AKR1C8: variants seen among roughly 807,000 people sequenced by gnomAD.
AKR1C8 encodes the protein aldo-keto reductase family 1 member C8.
chr10:5,153,373 A>C, the AKR1C8 span, among the ~76,000 whole-genome samples: 1 of 152,224 alleles, frequency 6.6e-6, no homozygotes, highest in Non-Finnish European at 1.5e-5. Flanking sequence ...TTTGAATAAT[A>C]GTTGCTTGCT....
At chr10:5,180,538 G>A in the AKR1C8 span, among the ~76,000 whole-genome samples, 1 of 152,190 alleles carries the variant, frequency 6.6e-6, no homozygotes, top group African/African-American at 2.4e-5. Context: ...GTCTGCAGAG[G>A]TTACTGCTGT....
At chr10:5,128,507 A>G in the AKR1C8 span, among the ~76,000 whole-genome samples, 1 of 152,218 alleles carries the variant, frequency 6.6e-6, no homozygotes, top group East Asian at 1.9e-4. Flanking sequence ...TGGATAATAA[A>G]TCACAAACCA....
chr10:5,169,800 A>T, the AKR1C8 span, among the ~76,000 whole-genome samples: 1 of 152,092 alleles, frequency 6.6e-6, no homozygotes, highest in Non-Finnish European at 1.5e-5. Flanking sequence ...TATTTAGCTT[A>T]AAAGGAGAGG....
At chr10:5,184,446 G>C in the AKR1C8 span, among the ~76,000 whole-genome samples, 2 of 152,146 alleles carry the variant, frequency 1.3e-5, no homozygotes, top group African/African-American at 4.8e-5. Flanking sequence ...TTCTTATATA[G>C]CAAAAAGTTT....
chr10:5,154,208 G>A, the AKR1C8 span: 1 of 469,722 alleles, frequency 2.1e-6, no homozygotes, highest in South Asian at 1.6e-5. Flanking sequence ...TATTAATTTA[G>A]TAACTTTTTT....
the AKR1C8 span, chr10:5,158,568 G>A: frequency 1.2e-4 from 52 of 432,652 alleles, no homozygotes; most frequent in Non-Finnish European, 2.1e-4. Context: ...CAGAATTCCC[G>A]CCATAGGTTA....
the AKR1C8 span, chr10:5,155,785 C>T: frequency 4.3e-6 from 2 of 463,172 alleles, no homozygotes; most frequent in East Asian, 7.1e-5. Context: ...CTCACATTAA[C>T]CCCTCCCCAG....
the AKR1C8 span, among the ~76,000 whole-genome samples, chr10:5,139,171 A>G: frequency 1.3e-5 from 2 of 152,038 alleles, no homozygotes; most frequent in African/African-American, 2.4e-5. Context: ...CAATGGAAGG[A>G]CATTCCATGC....
At chr10:5,134,591 C>T in the AKR1C8 span, among the ~76,000 whole-genome samples, 32,515 of 151,922 alleles carry the variant, frequency 0.21, 3,615 homozygotes, top group Middle Eastern at 0.36. Context: ...TTTTAATTTT[C>T]CTAGAGGTGA....
the AKR1C8 span, among the ~76,000 whole-genome samples, chr10:5,177,684 A>C: frequency 6.6e-6 from 1 of 152,158 alleles, no homozygotes; most frequent in South Asian, 2.1e-4. Flanking sequence ...TCAGAGATTC[A>C]ACTTCTTCCT....
At chr10:5,175,875 T>C in the AKR1C8 span, among the ~76,000 whole-genome samples, 259 of 152,330 alleles carry the variant, frequency 1.7e-3, 1 homozygote, top group African/African-American at 6.1e-3. Flanking sequence ...TTCTGGATAT[T>C]AGCCCTTTGT....
chr10:5,118,954 G>A, the AKR1C8 span, among the ~76,000 whole-genome samples: 3 of 151,364 alleles, frequency 2.0e-5, no homozygotes, highest in African/African-American at 7.3e-5. Flanking sequence ...AAAAAAACAG[G>A]TGGAATGCAG....
At chr10:5,177,242 G>A in the AKR1C8 span, among the ~76,000 whole-genome samples, 81,617 of 151,258 alleles carry the variant, frequency 0.54, 22,917 homozygotes, top group Non-Finnish European at 0.6. Context: ...TAATCATGTG[G>A]TTTTTGTCTT....
At chr10:5,144,194 T>C in the AKR1C8 span, among the ~76,000 whole-genome samples, 1 of 152,114 alleles carries the variant, frequency 6.6e-6, no homozygotes, top group Non-Finnish European at 1.5e-5. Context: ...AGATATGCGG[T>C]GTTACTTCTG....
chr10:5,163,907 A>G, the AKR1C8 span, among the ~76,000 whole-genome samples: 15 of 152,158 alleles, frequency 9.9e-5, no homozygotes, highest in African/African-American at 3.4e-4. Context: ...TACACTAATA[A>G]GAGAACAAGA....
chr10:5,155,868 T>A, the AKR1C8 span: 4 of 369,734 alleles, frequency 1.1e-5, no homozygotes, highest in African/African-American at 8.6e-5. Flanking sequence ...GGGGAAGCAT[T>A]TTCATCCTCA....
the AKR1C8 span, among the ~76,000 whole-genome samples, chr10:5,169,326 C>T: frequency 1.2e-4 from 19 of 152,232 alleles, no homozygotes; most frequent in Admixed American, 9.2e-4. Flanking sequence ...TGTTGTTTCT[C>T]GCTACTTCCT....
chr10:5,118,592 G>A, the AKR1C8 span, among the ~76,000 whole-genome samples: 59,615 of 152,008 alleles, frequency 0.39, 12,488 homozygotes, highest in Non-Finnish European at 0.43. Flanking sequence ...AAAGATTCTA[G>A]TTTCTGTAAC....
At chr10:5,153,703 T>A in the AKR1C8 span, among the ~76,000 whole-genome samples, 1 of 152,028 alleles carries the variant, frequency 6.6e-6, no homozygotes, top group Non-Finnish European at 1.5e-5. Flanking sequence ...AACAACCAGA[T>A]TTCATGAGAA....
Sources: gnomAD v4.1 joint callset for allele counts (sites outside exome capture counted in the v4.1 genomes callset) on GRCh38, gnomAD v4.1.1 for gene constraint, MANE v1.5 for transcripts, NCBI Gene and HGNC (gene_info 2026-07-23, HGNC 2026-07-21) for gene names.